The following NBPF20 variants were observed in gnomAD, a reference collection of about 807,000 sequenced individuals.
The protein encoded by NBPF20 is NBPF member 20.
NBPF20 carries 90 observed loss-of-function variants against 68.1 expected under a neutral mutation model. That is an observed-to-expected ratio of 1.32 (90% CI 1.11 to 1.58). The LOEUF is 1.58. NBPF20 is among the 40% of genes most tolerant of loss of function. The pLI is 0.00. For synonymous variants in NBPF20, 290 were observed against 228.1 expected, an observed-to-expected ratio of 1.27 and a Z score of -2.45; for missense variants, 816 against 601.2, an observed-to-expected ratio of 1.36 and a Z score of -3.74.
At chr1:145,397,712 A>G (rs1662325615) in intron 7 of NBPF20, among the ~76,000 whole-genome samples, 1 of 152,252 alleles carries the variant, frequency 6.6e-6, no homozygotes, top group South Asian at 2.1e-4. Context: ...TCATAACGAC[A>G]GGATCAAATT....
chr1:145,392,668 A>T (rs1288350037), intron 10 of NBPF20, among the ~76,000 whole-genome samples: 3 of 30,988 alleles, frequency 9.7e-5, no homozygotes, highest in Non-Finnish European at 1.4e-4. Context: ...TTGCTAGGAG[A>T]AAAACTGCAC....
chr1:145,352,258 G>T (rs1661654473), intron 61 of NBPF20, among the ~76,000 whole-genome samples, 169 bp from the exon 67 acceptor site: 2 of 56,776 alleles, frequency 3.5e-5, no homozygotes, highest in Non-Finnish European at 7.1e-5. Context: ...AGGGCCAAAT[G>T]GAAAAGAATG....
exon 6 of NBPF20, chr1:145,400,456 T>C: frequency 6.2e-7 from 1 of 1,613,150 alleles, no homozygotes; most frequent in South Asian, 1.1e-5. Context: ...TTGAGTCGAC[T>C]TTGTCTTCCT....
At chr1:145,405,988 G>T (rs1377733549), upstream of NBPF20, among the ~76,000 whole-genome samples, 1 of 150,438 alleles carries the variant, frequency 6.6e-6, no homozygotes, top group East Asian at 1.9e-4. Flanking sequence ...ACGCGATCTA[G>T]GCTCACTGCA....
chr1:145,404,939 G>A (rs1174197977), intron 2 of NBPF20, among the ~76,000 whole-genome samples, 159 bp downstream of exon 7: 10 of 151,876 alleles, frequency 6.6e-5, no homozygotes, highest in Non-Finnish European at 1.0e-4. Context: ...AAATACTTTG[G>A]TACCTCTGTC....
exon 4 of NBPF20, chr1:145,402,299 G>A (rs1386722745): frequency 1.6e-5 from 25 of 1,610,314 alleles, no homozygotes; most frequent in East Asian, 6.7e-5. Flanking sequence ...TTCAATGAGC[G>A]GGAGGCATCT....
At chr1:145,394,304 A>C (rs1333722041) in intron 8 of NBPF20, among the ~76,000 whole-genome samples, 1 of 151,622 alleles carries the variant, frequency 6.6e-6, no homozygotes, top group Non-Finnish European at 1.5e-5. Context: ...TTGATAGTTT[A>C]TGAGATTGTG....
chr1:145,402,139 G>A, intron 4 of NBPF20, 28 bp downstream of exon 9: 1 of 1,376,780 alleles, frequency 7.3e-7, no homozygotes, highest in Admixed American at 1.7e-5. Flanking sequence ...CTGGGATTTT[G>A]GGTCATCAGG....
At chr1:145,351,978 G>C (rs1485300142) in exon 62 of NBPF20, 817 of 61,542 alleles carry the variant, frequency 0.013, 2 homozygotes, top group Middle Eastern at 0.057. Context: ...AACTTCCATA[G>C]GGCTGGCAGG....
chr1:145,407,290 T>C (rs1662832129), upstream of NBPF20, among the ~76,000 whole-genome samples: 1 of 145,638 alleles, frequency 6.9e-6, no homozygotes, highest in Admixed American at 6.9e-5. Context: ...GGGTGAGGGC[T>C]GGGGGAGGGA....
Position 145,372,514 on chromosome 1 carries a change from TC to T in NBPF20, c.4366del (p.Asp1456ThrfsTer27). 1 of 513,626 alleles carries T rather than the reference TC, an allele frequency of 1.9e-6. No individual in the cohort carries two copies. The highest frequency in any genetic ancestry group is 3.3e-6 in the Non-Finnish European group (1 of 307,238). 31.8% of individuals were successfully genotyped at this position (513,626 alleles called of 1,614,324 possible). On this transcript the variant is annotated frameshift_variant, in exon 36 of 138. Transcript: ENST00000369373. LOFTEE classifies it high-confidence loss of function. The stretch of plus-strand genomic sequence containing the variant: ...CACCTTCACAGTAAGATACTCACTG[TC>T]CACGTCAAGAGCCAAGCCAAGGTAC...
At chr1:145,423,969 C>G in the NBPF20 span, among the ~76,000 whole-genome samples, 8 of 149,762 alleles carry the variant, frequency 5.3e-5, no homozygotes, top group South Asian at 2.1e-4. Flanking sequence ...AAATTCATTA[C>G]CTGTACTTTT....
chr1:145,290,196 T>C (rs1660976766), exon 138 of NBPF20: 1 of 148,516 alleles, frequency 6.7e-6, no homozygotes, highest in Admixed American at 6.6e-5. Context: ...GGAGGATTAA[T>C]AAATGATAAA....
upstream of NBPF20, among the ~76,000 whole-genome samples, chr1:145,407,464 T>C (rs1426619844): frequency 4.1e-5 from 6 of 147,064 alleles, no homozygotes; most frequent in Admixed American, 4.1e-4. Context: ...TGTATACACG[T>C]ATATATAATA....
chr1:145,312,110 T>G, intron 112 of NBPF20, 98 bp downstream of exon 117: 1 of 91,180 alleles, frequency 1.1e-5, no homozygotes, highest in Non-Finnish European at 1.7e-5. Context: ...CCTGTGGCAA[T>G]GACATCTCTC....
rs1234996995 is a variant in NBPF20, at chr1:145,400,357, G to A, written c.775+29C>T. On this transcript the variant is annotated intron_variant, in intron 6 of 137. Transcript: ENST00000369373. ...GAGTTTATCTTCCTCAGCCTAGAGA[G>A]AGGTATGAGACACAAGGAAAACAGA... The A allele has an allele frequency of 6.9e-5, 111 of 1,611,904 alleles. No homozygotes were observed. In the Middle Eastern group the frequency reaches 8.6e-4, roughly 13 times the overall value.
exon 2 of NBPF20, chr1:145,405,195 G>C (rs1553666829): frequency 2.5e-6 from 4 of 1,612,678 alleles, no homozygotes; most frequent in East Asian, 2.2e-5. Context: ...CTGCCAACTG[G>C]GGGCGCAATT....
chr1:145,393,391 G>A (rs1234312567), intron 9 of NBPF20, 145 bp from the exon 15 acceptor site: 12 of 714,342 alleles, frequency 1.7e-5, no homozygotes, highest in South Asian at 1.3e-4. Context: ...TTGCCTTTAT[G>A]TTGGGATAGA....
At chr1:145,419,230 A>G in the NBPF20 span, among the ~76,000 whole-genome samples, 2 of 151,748 alleles carry the variant, frequency 1.3e-5, no homozygotes, top group African/African-American at 4.8e-5. Context: ...GAAGTAGGGA[A>G]GGAGAGAAGT....
Sources: allele counts gnomAD v4.1 joint callset (sites outside exome capture counted in the v4.1 genomes callset), GRCh38; gene constraint gnomAD v4.1.1; transcripts MANE v1.5; gene names NCBI Gene and HGNC (gene_info 2026-07-23, HGNC 2026-07-21).